The following TAF2 variants were observed in gnomAD, a reference collection of about 807,000 sequenced individuals.
TAF2 encodes TATA-box binding protein associated factor 2, also known as transcription initiation factor TFIID subunit 2.
TAF2 carries 61 observed loss-of-function variants against 138.5 expected under a neutral mutation model. The ratio of observed to expected loss-of-function variants is 0.44; its 90% CI spans 0.36 to 0.54. TAF2 has a LOEUF of 0.54. TAF2 is among the 20% of genes least tolerant of loss of function. The pLI is 0.00. For missense variants in TAF2, 1,090 were observed against 1,427.9 expected (o/e 0.76, Z 3.81); for synonymous variants, 475 against 469.9 (o/e 1.01, Z -0.14).
chr8:119,803,570 T>A (rs1238659537), intron 5 of TAF2, among the ~76,000 whole-genome samples: 2 of 151,818 alleles, frequency 1.3e-5, no homozygotes, highest in Non-Finnish European at 2.9e-5. Context: ...TGAATGCCTG[T>A]AATACCAGCT....
At chr8:119,799,489 C>A (rs553235960) in intron 6 of TAF2, among the ~76,000 whole-genome samples, 10 of 152,224 alleles carry the variant, frequency 6.6e-5, no homozygotes, top group South Asian at 4.1e-4. Context: ...TGAACTCATC[C>A]TTTTTTATGG....
chr8:119,760,534 C>T (rs1820990668), intron 20 of TAF2, 65 bp downstream of exon 20: 1 of 1,583,022 alleles, frequency 6.3e-7, no homozygotes. Flanking sequence ...ACCCCAACAA[C>T]ACTGGCTTTA....
chr8:119,755,928 G>A, intron 22 of TAF2, 78 bp downstream of exon 22: 2 of 1,143,740 alleles, frequency 1.7e-6, no homozygotes, highest in Non-Finnish European at 2.6e-6. Flanking sequence ...AGTTCTAAAT[G>A]CTATTGAATT....
At chr8:119,767,207 C>T (rs1428640222) in intron 18 of TAF2, 1 of 152,156 alleles carries the variant, frequency 6.6e-6, no homozygotes, top group East Asian at 1.9e-4. Flanking sequence ...GGTTCCGGTT[C>T]AAGATGGTTG....
At chr8:119,804,057 G>C in intron 4 of TAF2, 38 bp from the exon 5 acceptor site, 1 of 1,609,384 alleles carries the variant, frequency 6.2e-7, no homozygotes, top group Non-Finnish European at 8.5e-7. Context: ...TGATACATAA[G>C]TTACAGTGGT....
chr8:119,785,090 G>A, intron 15 of TAF2, 111 bp downstream of exon 15: 2 of 794,900 alleles, frequency 2.5e-6, no homozygotes, highest in East Asian at 2.7e-5. Context: ...TTAAAATAAT[G>A]TTAAAGCACT....
At chr8:119,826,941 C>T (rs1446229099) in intron 2 of TAF2, among the ~76,000 whole-genome samples, 6 of 152,106 alleles carry the variant, frequency 3.9e-5, no homozygotes, top group African/African-American at 1.4e-4. Flanking sequence ...ACCTGTAATC[C>T]TAGCACTTTG....
chr8:119,803,873 T>A lies in TAF2; in HGVS notation c.560+5A>T, dbSNP rs1264197659. The A allele has an allele frequency of 6.2e-7, 1 of 1,611,244 alleles. No homozygotes were observed. The highest frequency in any genetic ancestry group is 1.7e-5 in the Admixed American group (1 of 59,556). On this transcript the variant is annotated splice_donor_5th_base_variant and intron_variant, in intron 5 of 25. Coordinates refer to ENST00000378164, the MANE Select transcript of TAF2 (RefSeq NM_003184.4). ...AATTGAAATATTTAAGAATCTATAA[T>A]CTACCTTGTAGAATTTTGATACCCA...
At position 119,797,701 on chromosome 8, in the gene TAF2, T is replaced by C. The variant is rs546728927; in HGVS notation, c.938A>G (p.Tyr313Cys). The C allele has an allele frequency of 6.2e-7, 1 of 1,613,576 alleles. No individual in the cohort carries two copies. The highest frequency in any genetic ancestry group is 1.3e-5 in the African/African-American group (1 of 75,036). Reference sequence around the variant, plus strand: ...GGAAGCATAAGCAGCCACTTCAACATAAGCCTCATCAATGAAGACAGTCTT... The same window carrying C: ...GGAAGCATAAGCAGCCACTTCAACACAAGCCTCATCAATGAAGACAGTCTT... ...CFKTVFIDEA[Y>C]VEVAAYASMS... The change falls in exon 7 of 26, where the codon TAT becomes TGT. Residue 313 changes from tyrosine (Y) to cysteine (C), a missense_variant. Around this residue, in one of 3 missense-constraint regions of TAF2, gnomAD observed 504 missense variants for 680.9 expected, o/e 0.74. Coordinates refer to ENST00000378164, the MANE Select transcript of TAF2 (RefSeq NM_003184.4).
chr8:119,796,527 T>G (rs886188428), intron 8 of TAF2, among the ~76,000 whole-genome samples: 3 of 152,114 alleles, frequency 2.0e-5, no homozygotes, highest in African/African-American at 7.2e-5. Context: ...AGGAGTACTA[T>G]TTTACATTAA....
chr8:119,734,830 G>A (rs1473718150), intron 25 of TAF2, among the ~76,000 whole-genome samples: 2 of 152,200 alleles, frequency 1.3e-5, no homozygotes, highest in Non-Finnish European at 2.9e-5. Context: ...TTAGTTGGGG[G>A]AAGAGGGGGA....
At chr8:119,759,994 T>C (rs1226391549) in intron 20 of TAF2, among the ~76,000 whole-genome samples, 1 of 151,962 alleles carries the variant, frequency 6.6e-6, no homozygotes, top group East Asian at 1.9e-4. Flanking sequence ...AAATTAAAAT[T>C]TCATCAGAAA....
chr8:119,787,495 T>A (rs1823104086), intron 14 of TAF2, among the ~76,000 whole-genome samples: 1 of 152,010 alleles, frequency 6.6e-6, no homozygotes, highest in Admixed American at 6.6e-5. Context: ...AAAAAGCTCA[T>A]CATCACTGGT....
At chr8:119,788,295 T>G in intron 14 of TAF2, 43 bp downstream of exon 14, 1 of 1,531,822 alleles carries the variant, frequency 6.5e-7, no homozygotes, top group Non-Finnish European at 9.0e-7. Context: ...TCTGTGAGAT[T>G]TGTAGTTTAA....
At chr8:119,732,232 A>C in intron 25 of TAF2, 46 bp from the exon 26 acceptor site, 1 of 1,576,810 alleles carries the variant, frequency 6.3e-7, no homozygotes, top group Non-Finnish European at 8.7e-7. Flanking sequence ...GATGATACGG[A>C]AAGCCAGACT....
chr8:119,789,569 T>G, intron 12 of TAF2, 23 bp downstream of exon 12: 1 of 1,612,412 alleles, frequency 6.2e-7, no homozygotes, highest in African/African-American at 1.3e-5. Flanking sequence ...CCCACTCTGT[T>G]GAACTGCTAT....
Position 119,788,799 on chromosome 8 carries a change from C to A in TAF2, c.1674G>T (p.Gln558His). The A allele has an allele frequency of 6.2e-7, 1 of 1,612,542 alleles. No individual in the cohort carries two copies. Among genetic ancestry groups the A allele is most frequent in the Non-Finnish European group, 8.5e-7 (1 of 1,178,652 alleles). ...TTGGAAAAAGACTTACCACGTATTT[C>A]TGAGTTCCAGGAGATGTATAGTCCT... Reference protein sequence around the residue: ...IKQDYTSPGTQKYVGPLKVTV... With the variant: ...IKQDYTSPGTHKYVGPLKVTV... Residue 558 changes from glutamine to histidine, a missense_variant, in exon 13 of 26, where the codon CAG becomes CAT. Physicochemically the swap from Gln to His is conservative, Grantham distance 24. Transcript: ENST00000378164.
At chr8:119,733,102 G>A (rs1015458801) in intron 25 of TAF2, among the ~76,000 whole-genome samples, 2 of 152,040 alleles carry the variant, frequency 1.3e-5, no homozygotes, top group African/African-American at 4.8e-5. Flanking sequence ...CGTATACCAG[G>A]GAGGGATCTT....
At chr8:119,824,302 C>A (rs557439369) in intron 2 of TAF2, among the ~76,000 whole-genome samples, 1 of 151,618 alleles carries the variant, frequency 6.6e-6, no homozygotes, top group Admixed American at 6.6e-5. Flanking sequence ...TGGTGGTGGG[C>A]GCCTGTAATC....
Sources: allele counts gnomAD v4.1 joint callset (sites outside exome capture counted in the v4.1 genomes callset), GRCh38; gene constraint gnomAD v4.1.1; regional missense constraint gnomAD v4.1.1; transcripts MANE v1.5; gene names NCBI Gene and HGNC (gene_info 2026-07-23, HGNC 2026-07-21).